SCN4B: variants seen among roughly 807,000 people sequenced by gnomAD.
SCN4B encodes the protein sodium voltage-gated channel beta subunit 4, also known as sodium channel regulatory subunit beta-4.
Under a neutral mutation model 19.6 loss-of-function variants are expected in SCN4B, and 20 were observed. The ratio of observed to expected loss-of-function variants is 1.02; its 90% CI spans 0.72 to 1.48. The LOEUF (loss-of-function observed/expected upper bound fraction) is 1.48, where lower values mean the gene tolerates loss of function less well. Ranked by LOEUF, SCN4B falls within the 40% of genes most tolerant of loss-of-function variation. The probability of loss-of-function intolerance (pLI) is 0.00; values close to 1 mark genes in which losing one functional copy is unlikely to be tolerated. For synonymous variants in SCN4B, 127 were observed against 122.8 expected, an observed-to-expected ratio of 1.03 and a Z score of -0.22; for missense variants, 271 against 287.5, an observed-to-expected ratio of 0.94 and a Z score of 0.42.
intron 3 of SCN4B, chr11:118,142,955 C>T (rs768078544): frequency 7.9e-5 from 12 of 152,292 alleles, no homozygotes; most frequent in Non-Finnish European, 1.3e-4. Context: ...CCCTTGCATA[C>T]TCGAGATTGA....
At position 118,134,696 on chromosome 11, in the gene SCN4B, G is replaced by A. The variant is rs1358022272; in HGVS notation, c.*2331C>T. 2.2e-6 allele frequency: 1 copy of A among 454,120 alleles called. No homozygotes were observed. Among genetic ancestry groups the A allele is most frequent in the South Asian group, 1.6e-5 (1 of 64,480 alleles). 28.1% of individuals were successfully genotyped at this position (454,120 alleles called of 1,614,324 possible). Reference sequence around the variant, plus strand: ...GGTGGGATGGAAAGAAAGAGAGAGAGAGTGTGTGTGTCTGTATGTGGGTTG... The same window carrying A: ...GGTGGGATGGAAAGAAAGAGAGAGAAAGTGTGTGTGTCTGTATGTGGGTTG... On this transcript the variant is annotated 3_prime_UTR_variant, in exon 5 of 5. Coordinates refer to ENST00000324727, the MANE Select transcript of SCN4B (RefSeq NM_174934.4).
Position 118,135,215 on chromosome 11 carries a change from C to A in SCN4B, c.*1812G>T. ...TAGAGAAGAATGGGAGGCGCACAGG[C>A]AGATCAGACGGGGAACTGGTGAGCC... is the stretch of plus-strand genomic sequence containing the variant. On this transcript the variant is annotated 3_prime_UTR_variant, in exon 5 of 5. Transcript: ENST00000324727. 2.2e-6 allele frequency: 1 copy of A among 453,886 alleles called. No homozygotes were observed. The highest frequency in any genetic ancestry group is 2.3e-5 in the Admixed American group (1 of 42,564). The allele number at this position is 453,886 out of a possible 1,614,324, so 28.1% of individuals were successfully genotyped here.
intron 1 of SCN4B, among the ~76,000 whole-genome samples, chr11:118,151,122 G>GCACACACACA (rs3837425): frequency 8.8e-4 from 131 of 149,244 alleles, no homozygotes; most frequent in African/African-American, 3.0e-3. Context: ...TTACACACGT[G>GCACACACACA]CACACACACA....
intron 3 of SCN4B, chr11:118,141,616 T>C: frequency 1.9e-6 from 1 of 517,990 alleles, no homozygotes; most frequent in Non-Finnish European, 3.5e-6. Flanking sequence ...TAAATCAGAA[T>C]TGGAGCCTAT....
chr11:118,147,121 G>A (rs1948187447), intron 1 of SCN4B, among the ~76,000 whole-genome samples: 2 of 152,202 alleles, frequency 1.3e-5, no homozygotes, highest in African/African-American at 4.8e-5. Context: ...AGGGAATGCT[G>A]TGCGCAGGGA....
rs956132632 is a variant in SCN4B, at chr11:118,145,158, T to G, written c.133A>C (p.Asn45His). 6 of 1,613,958 alleles carry G rather than the reference T, an allele frequency of 3.7e-6. No homozygotes were observed. The African/African-American group carries it at 8.0e-5, about 22-fold the overall frequency. Residue 45 changes from asparagine (N) to histidine (H), a missense_variant, in exon 2 of 5, where the codon AAT becomes CAT. Coordinates refer to ENST00000324727, the MANE Select transcript of SCN4B (RefSeq NM_174934.4). ...VGKATDIYAV[N>H]GTEILLPCTF... ...CAGGGCAGCAGGATCTCCGTGCCATTGACAGCGTAGATGTCGGTGGCCTTT... is the reference window on the plus strand; with the variant it reads ...CAGGGCAGCAGGATCTCCGTGCCATGGACAGCGTAGATGTCGGTGGCCTTT...
rs774739091 is a variant in SCN4B at position 118,141,292 on chromosome 11, C to T, written c.508G>A (p.Val170Met). 20 of 1,612,580 alleles carry T rather than the reference C, an allele frequency of 1.2e-5. No individual in the cohort carries two copies. Among genetic ancestry groups the T allele is most frequent in the East Asian group, 2.2e-5 (1 of 44,886 alleles). ...NTVTLIILAV[V>M]GGVIGLLILI... is the part of the protein sequence containing the mutation. ...ATGAGGAGCCCGATGACCCCGCCCA[C>T]GACAGCCAGGATGATGAGTGTCACT... Residue 170 changes from valine to methionine, a missense_variant, in exon 4 of 5, where the codon GTG becomes ATG. Transcript: ENST00000324727.
chr11:118,148,176 T>A lies in SCN4B; in HGVS notation c.62-2947A>T, dbSNP rs1025229869. ...GGAAAATGAAAACCGGCAGAAATGG[T>A]TTCACAGAGTCCAGAGCCCTGCCCG... On this transcript the variant is annotated intron_variant, in intron 1 of 4. Transcript: ENST00000324727. The surrounding 1 kb of genome is among the most constrained non-coding windows in gnomAD (Gnocchi z 4.0). 4.6e-5 allele frequency among the ~76,000 whole-genome samples: 7 copies of A among 152,162 alleles called. No individual in the cohort carries two copies. Among genetic ancestry groups the A allele is most frequent in the African/African-American group, 1.4e-4 (6 of 41,434 alleles).
chr11:118,152,361 C>A (rs534893027), intron 1 of SCN4B, among the ~76,000 whole-genome samples: 1 of 152,132 alleles, frequency 6.6e-6, no homozygotes, highest in African/African-American at 2.4e-5. Context: ...TACCTGGAGC[C>A]GAAGGTGCCA....
Position 118,133,886 on chromosome 11 carries a change from C to A in SCN4B, c.*3141G>T, listed in dbSNP as rs745426856. The stretch of plus-strand genomic sequence containing the variant: ...CTTTCTCAGTCTCCAGATGCCTCAA[C>A]AGGCATAGCTCAGGCCAAGAAAGAC... On this transcript the variant is annotated 3_prime_UTR_variant, in exon 5 of 5. Transcript: ENST00000324727. The A allele has an allele frequency of 6.6e-6, 3 of 454,464 alleles. No homozygotes were observed. The highest frequency in any genetic ancestry group is 4.7e-5 in the South Asian group (3 of 64,482). The allele number at this position is 454,464 out of a possible 1,614,324, so 28.2% of individuals were successfully genotyped here. A position where few individuals can be genotyped will look rare whatever the true frequency, so the allele number is the denominator to read the frequency against.
At chr11:118,137,853 G>A (rs932921602) in intron 4 of SCN4B, among the ~76,000 whole-genome samples, 1 of 152,054 alleles carries the variant, frequency 6.6e-6, no homozygotes, top group African/African-American at 2.4e-5. Context: ...TCTCCCCAGG[G>A]CCCCCCAGGC....
rs375575486 is a variant in SCN4B, at chr11:118,137,406, C to T, written c.594-286G>A. On this transcript the variant is annotated intron_variant, in intron 4 of 4. Coordinates refer to ENST00000324727, the MANE Select transcript of SCN4B (RefSeq NM_174934.4). Reference sequence around the variant, plus strand: ...TCTCAACTGGCCAGGTGCGGTGGCTCACACCTGTAATCCCAGCACTTTGGG... The same window carrying T: ...TCTCAACTGGCCAGGTGCGGTGGCTTACACCTGTAATCCCAGCACTTTGGG... 4.6e-5 allele frequency among the ~76,000 whole-genome samples: 7 copies of T among 152,324 alleles called. No individual in the cohort carries two copies. The South Asian group carries it at 1.0e-3, about 23-fold the overall frequency.
rs780493934 is a variant in SCN4B, at chr11:118,133,514, G to A, written c.*3513C>T. On this transcript the variant is annotated 3_prime_UTR_variant, in exon 5 of 5. Transcript: ENST00000324727. ...CAGTGCTGGCTGTGTGGGCATCTGC[G>A]CCTCCCAGAGGCACTCGCACACCTG... 8.8e-6 allele frequency: 4 copies of A among 454,074 alleles called. No individual in the cohort carries two copies. Among genetic ancestry groups the A allele is most frequent in the Admixed American group, 2.3e-5 (1 of 42,560 alleles). The allele number at this position is 454,074 out of a possible 1,614,324, so 28.1% of individuals were successfully genotyped here.
intron 1 of SCN4B, among the ~76,000 whole-genome samples, chr11:118,152,278 A>AC (rs1013143739): frequency 6.6e-6 from 1 of 151,616 alleles, no homozygotes; most frequent in East Asian, 1.9e-4. Context: ...CAAGGCACGG[A>AC]CCCCCCTCCT....
At position 118,152,498 on chromosome 11, in the gene SCN4B, T is replaced by A. The variant is rs1331697657; in HGVS notation, c.61+115A>T. 5.6e-6 allele frequency: 5 copies of A among 889,076 alleles called. No homozygotes were observed. In the South Asian group the frequency reaches 5.9e-5, roughly 11 times the overall value. 55.1% of individuals were successfully genotyped at this position (889,076 alleles called of 1,614,324 possible). ...GGCAGGAAGCCGGCGGCCACCATCC[T>A]CATTCCGTGCCGCACTCCAAAGCCC... On this transcript the variant is annotated intron_variant, in intron 1 of 4. Coordinates refer to ENST00000324727, the MANE Select transcript of SCN4B (RefSeq NM_174934.4).
Position 118,136,345 on chromosome 11 carries a change from C to CAGGCT in SCN4B, c.*677_*681dup, listed in dbSNP as rs1248364520. On this transcript the variant is annotated 3_prime_UTR_variant, in exon 5 of 5. Transcript: ENST00000324727. Reference sequence around the variant, plus strand: ...CTCAGTAACCCAGAGAGCAGAGGAGCAGGCTAGGTGGCCAGGAACCCTCAA... The same window carrying CAGGCT: ...CTCAGTAACCCAGAGAGCAGAGGAGCAGGCTAGGCTAGGTGGCCAGGAACCCTCAA... 2.2e-6 allele frequency: 1 copy of CAGGCT among 453,862 alleles called. No individual in the cohort carries two copies. Among genetic ancestry groups the CAGGCT allele is most frequent in the Non-Finnish European group, 4.4e-6 (1 of 226,706 alleles). 28.1% of individuals were successfully genotyped at this position (453,862 alleles called of 1,614,324 possible). A position where few individuals can be genotyped will look rare whatever the true frequency, so the allele number is the denominator to read the frequency against.
chr11:118,151,673 G>A (rs1020902781), intron 1 of SCN4B, among the ~76,000 whole-genome samples: 2 of 152,228 alleles, frequency 1.3e-5, no homozygotes, highest in African/African-American at 4.8e-5. Context: ...TACACCGTGT[G>A]TCTTACCCAA....
Position 118,145,289 on chromosome 11 carries a change from G to A in SCN4B, c.62-60C>T, listed in dbSNP as rs559798189. The A allele has an allele frequency of 4.6e-5, 74 of 1,610,118 alleles. No individual in the cohort carries two copies. In the African/African-American group the frequency reaches 8.9e-4, roughly 19 times the overall value. The stretch of plus-strand genomic sequence containing the variant: ...CCACCAGCCTGGAGCTCTGGAAGGG[G>A]ATGCTTAGGCAGGGCGGAGTAGCTT... On this transcript the variant is annotated intron_variant, in intron 1 of 4. Coordinates refer to ENST00000324727, the MANE Select transcript of SCN4B (RefSeq NM_174934.4).
chr11:118,138,036 G>A (rs369050580), intron 4 of SCN4B, among the ~76,000 whole-genome samples: 7 of 152,218 alleles, frequency 4.6e-5, no homozygotes, highest in African/African-American at 9.6e-5. Flanking sequence ...GACACCTCCC[G>A]GGAGGCGTTC....
Sources: gnomAD v4.1 joint callset for allele counts (sites outside exome capture counted in the v4.1 genomes callset) on GRCh38, gnomAD v4.1.1 for gene constraint, Gnocchi (gnomAD v3.1) non-coding constraint, MANE v1.5 for transcripts, NCBI Gene and HGNC (gene_info 2026-07-23, HGNC 2026-07-21) for gene names.